Variants in PCDH11X observed in about 807,000 individuals in gnomAD.
PCDH11X encodes the protein protocadherin-11 X-linked.
PCDH11X carries 18 observed loss-of-function variants against 53.3 expected under a neutral mutation model. That is an observed-to-expected ratio of 0.34 (90% CI 0.23 to 0.50). PCDH11X has a LOEUF of 0.50. PCDH11X is among the 20% of genes least tolerant of loss of function. The pLI is 0.98. For synonymous variants in PCDH11X, 279 were observed against 393.3 expected (o/e 0.71, Z 3.44); for missense variants, 570 against 1,032.4 (o/e 0.55, Z 6.14).
intron 6 of PCDH11X, among the ~76,000 whole-genome samples, chrX:92,014,197 AAAC>A (rs1227820788): frequency 6.0e-5 from 4 of 66,506 alleles, no homozygotes; most frequent in African/African-American, 1.8e-4. Flanking sequence ...GAAAAAAAAC[AAAC>A]AACCCCATCA....
chrX:92,255,020 A>G (rs1178719518), intron 7 of PCDH11X, among the ~76,000 whole-genome samples: 56 of 96,369 alleles, frequency 5.8e-4, no homozygotes, highest in Non-Finnish European at 1.0e-3. Flanking sequence ...CTCCTGGATA[A>G]TATCCTGCAG....
At chrX:91,818,654 G>C (rs1209269844) in intron 4 of PCDH11X, among the ~76,000 whole-genome samples, 1 of 108,516 alleles carries the variant, frequency 9.2e-6, no homozygotes, top group African/African-American at 3.4e-5. Flanking sequence ...AGCCAAAATC[G>C]CACCACTGCA....
chrX:92,271,793 A>C (rs2067966327), intron 8 of PCDH11X, among the ~76,000 whole-genome samples: 1 of 112,373 alleles, frequency 8.9e-6, no homozygotes, highest in South Asian at 3.7e-4. Flanking sequence ...TTTTATATCC[A>C]TAATTGTGTA....
At chrX:92,101,531 C>T (rs2064251318) in intron 6 of PCDH11X, among the ~76,000 whole-genome samples, 1 of 111,149 alleles carries the variant, frequency 9.0e-6, no homozygotes, top group African/African-American at 3.3e-5. Context: ...ATACTAACAG[C>T]CTGAAAAACT....
chrX:91,964,471 T>C (rs1171560769), intron 6 of PCDH11X, among the ~76,000 whole-genome samples: 3 of 111,349 alleles, frequency 2.7e-5, no homozygotes, highest in Non-Finnish European at 5.6e-5. Flanking sequence ...AGAATGCATG[T>C]CGTGTTAACA....
At chrX:91,915,757 A>G (rs36012722) in intron 6 of PCDH11X, among the ~76,000 whole-genome samples, 4 of 111,697 alleles carry the variant, frequency 3.6e-5, no homozygotes, top group African/African-American at 9.7e-5. Flanking sequence ...CAGGACTTCA[A>G]TACTCCACTG....
intron 10 of PCDH11X, among the ~76,000 whole-genome samples, chrX:92,495,471 A>G (rs1255918918): frequency 9.2e-6 from 1 of 108,865 alleles, no homozygotes; most frequent in Non-Finnish European, 1.9e-5. Context: ...ACATCACTAT[A>G]CCCTATATGG....
chrX:92,598,277 A>G (rs1421104307), intron 10 of PCDH11X, among the ~76,000 whole-genome samples: 1 of 110,861 alleles, frequency 9.0e-6, no homozygotes, highest in Non-Finnish European at 1.9e-5. Context: ...AATATTTGCA[A>G]ATTACCCCCC....
chrX:91,958,408 T>C (rs1056226458), intron 6 of PCDH11X, among the ~76,000 whole-genome samples: 1 of 111,578 alleles, frequency 9.0e-6, no homozygotes, highest in Non-Finnish European at 1.9e-5. Flanking sequence ...TGTGTGTGTC[T>C]GAGTGGCTGC....
chrX:92,157,974 G>C (rs1240776516), intron 6 of PCDH11X, among the ~76,000 whole-genome samples: 3 of 111,346 alleles, frequency 2.7e-5, no homozygotes, highest in Non-Finnish European at 3.8e-5. Flanking sequence ...CAGCACTTTG[G>C]GGGGCTGAGG....
chrX:91,999,893 C>A, intron 6 of PCDH11X, among the ~76,000 whole-genome samples: 2 of 111,462 alleles, frequency 1.8e-5, no homozygotes, highest in East Asian at 5.6e-4. Flanking sequence ...TCAGAGTAAG[C>A]AGGTGTAAAG....
chrX:92,194,610 C>T (rs1206852235), intron 6 of PCDH11X, among the ~76,000 whole-genome samples: 1 of 110,453 alleles, frequency 9.1e-6, no homozygotes, highest in Non-Finnish European at 1.9e-5. Context: ...ATGTCTTCTC[C>T]TTGAAATAAA....
intron 9 of PCDH11X, among the ~76,000 whole-genome samples, chrX:92,421,431 G>T (rs1028146593): frequency 2.7e-5 from 3 of 111,829 alleles, no homozygotes; most frequent in Non-Finnish European, 5.6e-5. Context: ...TTTCTGCAAA[G>T]AACATGATCT....
Position 92,604,948 on chromosome X carries a change from A to G in PCDH11X, c.3368-13316A>G, listed in dbSNP as rs1926631146. Among the ~76,000 whole-genome samples, 2 of 99,858 alleles carry G rather than the reference A, an allele frequency of 2.0e-5. 1 individual carries two copies. The highest frequency in any genetic ancestry group is 8.2e-4 in the South Asian group (2 of 2,446). The allele number at this position is 99,858 out of a possible 115,157, so 86.7% of individuals were successfully genotyped here. A position where few individuals can be genotyped will look rare whatever the true frequency, so the allele number is the denominator to read the frequency against. On this transcript the variant is annotated intron_variant, in intron 10 of 10. Coordinates refer to ENST00000682573, the MANE Select transcript of PCDH11X (RefSeq NM_032968.5). ...ACCAAATTCATGGAGCAAATTTGAC[A>G]GAATTGAAGAGAGAAATAGACACTT...
chrX:92,311,218 G>C (rs1454052896), intron 8 of PCDH11X, among the ~76,000 whole-genome samples: 1 of 109,621 alleles, frequency 9.1e-6, no homozygotes, highest in Non-Finnish European at 1.9e-5. Flanking sequence ...ACTCAGTTAT[G>C]GTAGACTGTT....
At chrX:92,097,972 T>C (rs1291903612) in intron 6 of PCDH11X, among the ~76,000 whole-genome samples, 1 of 111,115 alleles carries the variant, frequency 9.0e-6, no homozygotes, top group East Asian at 2.8e-4. Context: ...TGTAGTATTG[T>C]TATTTGTATT....
chrX:92,177,646 A>G (rs2065931394), intron 6 of PCDH11X, among the ~76,000 whole-genome samples: 1 of 111,746 alleles, frequency 8.9e-6, no homozygotes, highest in African/African-American at 3.2e-5. Flanking sequence ...TGCAAACCTA[A>G]TAGTCATTTT....
intron 6 of PCDH11X, among the ~76,000 whole-genome samples, chrX:92,072,337 C>T (rs774820909): frequency 4.5e-5 from 5 of 110,751 alleles, no homozygotes; most frequent in African/African-American, 1.6e-4. Context: ...TTTTACTGTT[C>T]CCACTGCTTT....
intron 6 of PCDH11X, among the ~76,000 whole-genome samples, chrX:92,062,978 G>A (rs1331156178): frequency 9.0e-6 from 1 of 111,560 alleles, no homozygotes; most frequent in Non-Finnish European, 1.9e-5. Context: ...TGAATAAAAT[G>A]TGGCACATAT....
Sources: gnomAD v4.1 joint callset for allele counts (sites outside exome capture counted in the v4.1 genomes callset) on GRCh38, gnomAD v4.1.1 for gene constraint, MANE v1.5 for transcripts, NCBI Gene and HGNC (gene_info 2026-07-23, HGNC 2026-07-21) for gene names.